Variants in XPNPEP2 observed in about 807,000 individuals in gnomAD.
The protein encoded by XPNPEP2 is xaa-Pro aminopeptidase 2.
XPNPEP2 carries 64 observed loss-of-function variants against 59.8 expected under a neutral mutation model. The observed-to-expected ratio is 1.07, with a 90% CI of 0.87 to 1.32. The LOEUF (loss-of-function observed/expected upper bound fraction) is 1.32. Ranked by LOEUF, XPNPEP2 falls within the 40% of genes most tolerant of loss-of-function variation. The probability of loss-of-function intolerance (pLI) is 0.00; values close to 1 mark genes in which losing one functional copy is unlikely to be tolerated. For missense variants in XPNPEP2, 575 were observed against 546.8 expected (o/e 1.05, Z -0.51); for synonymous variants, 235 against 210.0 (o/e 1.12, Z -1.03).
At chrX:129,748,894 G>T (rs1356551751) in intron 7 of XPNPEP2, among the ~76,000 whole-genome samples, 1 of 111,473 alleles carries the variant, frequency 9.0e-6, no homozygotes, top group Non-Finnish European at 1.9e-5. Flanking sequence ...AAGGCACCTG[G>T]AGCTTGAGTT....
rs1480755363 is a variant in XPNPEP2, at chrX:129,746,349, G to A, written c.403+9G>A. Reference sequence around the variant, plus strand: ...GGAGCTCCATAAGGAAGGTAGAAGGGCCGCATGGATTTGTTCCCCAAGTCT... The same window carrying A: ...GGAGCTCCATAAGGAAGGTAGAAGGACCGCATGGATTTGTTCCCCAAGTCT... On this transcript the variant is annotated intron_variant, in intron 5 of 20. Transcript: ENST00000371106. 1.7e-6 allele frequency: 2 copies of A among 1,199,956 alleles called. No homozygotes were observed. Among genetic ancestry groups the A allele is most frequent in the Non-Finnish European group, 2.3e-6 (2 of 887,926 alleles).
At chrX:129,750,978 C>T (rs1336150358) in intron 8 of XPNPEP2, among the ~76,000 whole-genome samples, 1 of 110,769 alleles carries the variant, frequency 9.0e-6, no homozygotes, top group Non-Finnish European at 1.9e-5. Flanking sequence ...TGTCTGATCC[C>T]TATGGCTGGG....
intron 15 of XPNPEP2, 55 bp downstream of exon 15, chrX:129,759,295 C>A: frequency 8.5e-7 from 1 of 1,173,676 alleles, no homozygotes; most frequent in Non-Finnish European, 1.2e-6. Context: ...GGCACCCAAG[C>A]AGTCAAGATC....
At chrX:129,753,660 G>GAAAT (rs942015517) in intron 11 of XPNPEP2, among the ~76,000 whole-genome samples, 1 of 111,164 alleles carries the variant, frequency 9.0e-6, no homozygotes, top group Non-Finnish European at 1.9e-5. Context: ...GAAAGAAAAA[G>GAAAT]AAATAAAGAA....
rs746492710 is a variant in XPNPEP2 at position 129,754,523 on chromosome X, G to A, written c.1159G>A (p.Val387Met). ...IRYLVWLEKN[V>M]PKGTVDEFSG... is the part of the protein sequence containing the mutation. ...GTACTTGGTCTGGCTGGAGAAGAAC[G>A]TGCCCAAAGGCACAGTGGATGAGTT... is the stretch of plus-strand genomic sequence containing the variant. The change falls in exon 12 of 21, where the codon GTG (valine) becomes ATG (methionine). Residue 387 changes from valine to methionine, a missense_variant. Transcript: ENST00000371106. 4 of 1,193,547 alleles carry A rather than the reference G, an allele frequency of 3.4e-6. No homozygotes were observed. The highest frequency in any genetic ancestry group is 2.3e-5 in the Admixed American group (1 of 43,438).
chrX:129,753,344 A>C, intron 11 of XPNPEP2, 96 bp downstream of exon 11: 1 of 867,856 alleles, frequency 1.2e-6, no homozygotes, highest in Non-Finnish European at 1.7e-6. Context: ...GAAGACCCTC[A>C]ATGAAACAAA....
chrX:129,759,031 G>T, intron 14 of XPNPEP2, 149 bp from the exon 15 acceptor site: 1 of 615,967 alleles, frequency 1.6e-6, no homozygotes. Flanking sequence ...AGGTGCTGAA[G>T]AGGGGATTTT....
rs745409946 is a variant in XPNPEP2, at chrX:129,747,601, C to T, written c.491-6C>T. The T allele has an allele frequency of 8.3e-7, 1 of 1,210,737 alleles. No individual in the cohort carries two copies. Among genetic ancestry groups the T allele is most frequent in the South Asian group, 1.8e-5 (1 of 56,955 alleles). On this transcript the variant is annotated splice_region_variant and splice_polypyrimidine_tract_variant and intron_variant, in intron 6 of 20. Transcript: ENST00000371106. ...AGGGACAAGTGACTCCTTCTTGTCT[C>T]TGCAGACACCTGGGAGAGTTATGAT...
chrX:129,754,703 G>T (rs1005037326), intron 12 of XPNPEP2, 122 bp downstream of exon 12: 6 of 660,644 alleles, frequency 9.1e-6, no homozygotes, highest in Middle Eastern at 3.8e-4. Context: ...CGTGCTGGGT[G>T]GGGGAGGGCT....
At chrX:129,744,258 C>A (rs769142345) in intron 3 of XPNPEP2, among the ~76,000 whole-genome samples, 187 bp downstream of exon 3, 2 of 112,289 alleles carry the variant, frequency 1.8e-5, no homozygotes, top group African/African-American at 6.5e-5. Context: ...CATAGGCGGG[C>A]AGACATTGCC....
chrX:129,746,441 A>G, intron 5 of XPNPEP2, 101 bp downstream of exon 5: 1 of 965,416 alleles, frequency 1.0e-6, no homozygotes, highest in South Asian at 2.0e-5. Context: ...CTGGGCCTCT[A>G]TGGGGAGCTT....
At chrX:129,745,999 G>C (rs865839743) in intron 4 of XPNPEP2, among the ~76,000 whole-genome samples, 17 of 111,568 alleles carry the variant, frequency 1.5e-4, no homozygotes, top group Middle Eastern at 4.6e-3. Flanking sequence ...TCTGCTGAAA[G>C]TCCACAAGCA....
Position 129,754,699 on chromosome X carries a change from G to A in XPNPEP2, c.1217+118G>A, listed in dbSNP as rs1926485515. On this transcript the variant is annotated intron_variant, in intron 12 of 20. Coordinates refer to ENST00000371106, the MANE Select transcript of XPNPEP2 (RefSeq NM_003399.6). ...GGAAGATCCTCCTCATATGCGTGCT[G>A]GGTGGGGGAGGGCTCTGGAGAACAA... 11 of 664,500 alleles carry A rather than the reference G, an allele frequency of 1.7e-5. No individual in the cohort carries two copies. In the South Asian group the frequency reaches 2.9e-4, roughly 17 times the overall value. The allele number at this position is 664,500 out of a possible 1,213,427, so 54.8% of individuals were successfully genotyped here.
intron 8 of XPNPEP2, among the ~76,000 whole-genome samples, 150 bp from the exon 9 acceptor site, chrX:129,751,590 GAAAGA>G (rs1926411442): frequency 0.013 from 866 of 67,557 alleles, 5 homozygotes; most frequent in East Asian, 0.018. Context: ...AAGAAAGAAA[GAAAGA>G]AAGGAAGGAA....
rs775850439 is a variant in XPNPEP2, at chrX:129,767,580, C to T, written c.1741-23C>T. ...CTCCTCCCTCACTGTCCTGCTTACC[C>T]GGCTTCTATTCTGGGCTCCCAGTAC... On this transcript the variant is annotated intron_variant, in intron 19 of 20. Coordinates refer to ENST00000371106, the MANE Select transcript of XPNPEP2 (RefSeq NM_003399.6). 5.8e-6 allele frequency: 7 copies of T among 1,202,738 alleles called. No homozygotes were observed. The African/African-American group carries it at 1.1e-4, about 18-fold the overall frequency.
At chrX:129,753,667 A>G (rs1263608632) in intron 11 of XPNPEP2, among the ~76,000 whole-genome samples, 4 of 111,351 alleles carry the variant, frequency 3.6e-5, no homozygotes, top group Non-Finnish European at 7.5e-5. Context: ...AAAGAAATAA[A>G]GAAGCAGACA....
chrX:129,749,244 G>T (rs772576043), intron 7 of XPNPEP2, among the ~76,000 whole-genome samples: 122 of 111,798 alleles, frequency 1.1e-3, no homozygotes, highest in African/African-American at 3.9e-3. Context: ...CTCAGGGGAG[G>T]GGGGATAGGG....
intron 20 of XPNPEP2, 94 bp from the exon 21 acceptor site, chrX:129,768,197 G>A: frequency 1.1e-6 from 1 of 905,258 alleles, no homozygotes; most frequent in South Asian, 2.8e-5. Context: ...TATGGTGACA[G>A]CTGGAGTACC....
At chrX:129,764,708 A>T (rs1235279748) in intron 19 of XPNPEP2, among the ~76,000 whole-genome samples, 1 of 110,411 alleles carries the variant, frequency 9.1e-6, no homozygotes, top group East Asian at 2.8e-4. Flanking sequence ...TCACACCTGT[A>T]ATCCCAACAC....
Sources: gnomAD v4.1 joint callset for allele counts (sites outside exome capture counted in the v4.1 genomes callset) on GRCh38, gnomAD v4.1.1 for gene constraint, MANE v1.5 for transcripts, NCBI Gene and HGNC (gene_info 2026-07-23, HGNC 2026-07-21) for gene names.